The following ITGB4 variants were observed in gnomAD, a reference collection of about 807,000 sequenced individuals.
The protein encoded by ITGB4 is integrin beta-4.
ITGB4 carries 159 observed loss-of-function variants against 207.6 expected under a neutral mutation model. The observed-to-expected ratio is 0.77, with a 90% CI of 0.67 to 0.87. ITGB4 has a LOEUF of 0.87. ITGB4 is among the 40% of genes least tolerant of loss of function. ITGB4 has a pLI of 0.00. For missense variants in ITGB4, 2,278 were observed against 2,546.8 expected, an observed-to-expected ratio of 0.89 and a Z score of 2.27; for synonymous variants, 1,020 against 1,062.7, an observed-to-expected ratio of 0.96 and a Z score of 0.78.
At position 75,750,153 on chromosome 17, in the gene ITGB4, A is replaced by G. The variant is rs200945563; in HGVS notation, c.3359A>G (p.Gln1120Arg). The G allele has an allele frequency of 2.5e-6, 4 of 1,613,814 alleles. No homozygotes were observed. The South Asian group carries it at 3.3e-5, about 13-fold the overall frequency. The change falls in exon 28 of 40, where the codon CAG becomes CGG. Residue 1120 changes from glutamine to arginine, a missense_variant. Gln to Arg is a conservative substitution (Grantham distance 43). Transcript: ENST00000200181. The surrounding 1 kb of genome is among the most constrained non-coding windows in gnomAD (Gnocchi z 5.5). ...RSFTSQMLSS[Q>R]PPPHGDLGAP... ...TTCACGAGTCAGATGTTGTCATCAC[A>G]GCCACCCCCTCACGGCGACCTGGGC...
At position 75,740,445 on chromosome 17, in the gene ITGB4, A is replaced by G. The variant is rs1181830880; in HGVS notation, c.2534A>G (p.Gln845Arg). 2.5e-6 allele frequency: 4 copies of G among 1,613,102 alleles called. No homozygotes were observed. Among genetic ancestry groups the G allele is most frequent in the Non-Finnish European group, 3.4e-6 (4 of 1,179,616 alleles). Reference sequence around the variant, plus strand: ...ACTCGGGAGTGCGCCCAGCTGCGCCAGGAGGTGGAGGAGAACGTAAGGACC... The same window carrying G: ...ACTCGGGAGTGCGCCCAGCTGCGCCGGGAGGTGGAGGAGAACGTAAGGACC... The part of the protein sequence containing the change: ...PDTRECAQLR[Q>R]EVEENLNEVY... The change falls in exon 21 of 40, where the codon CAG becomes CGG. Residue 845 changes from glutamine to arginine, a missense_variant. By Grantham distance (43) the Gln-to-Arg change is conservative (BLOSUM62 1). Transcript: ENST00000200181. The surrounding 1 kb of genome is among the most constrained non-coding windows in gnomAD (Gnocchi z 5.9).
At position 75,748,860 on chromosome 17, in the gene ITGB4, G is replaced by A. The variant is rs769731535; in HGVS notation, c.3131G>A (p.Gly1044Asp). 3.1e-6 allele frequency: 5 copies of A among 1,611,424 alleles called. No individual in the cohort carries two copies. In the African/African-American group the frequency reaches 6.7e-5, roughly 22 times the overall value. The change falls in exon 27 of 40, where the codon GGT (glycine) becomes GAT (aspartate). Residue 1044 changes from glycine to aspartate, a missense_variant. Transcript: ENST00000200181. Reference sequence around the variant, plus strand: ...TCCCAGGACTACATCCCCGTGGAGGGTGAGCTGCTGTTCCAGCCTGGGGAG... The same window carrying A: ...TCCCAGGACTACATCCCCGTGGAGGATGAGCTGCTGTTCCAGCCTGGGGAG... ...QGNRDYIPVE[G>D]ELLFQPGEAW...
chr17:75,723,073 A>G (rs1447516245), intron 1 of ITGB4, among the ~76,000 whole-genome samples: 3 of 152,170 alleles, frequency 2.0e-5, no homozygotes, highest in Non-Finnish European at 2.9e-5. Context: ...TGCCTCGCCA[A>G]CCCTCTAACT....
chr17:75,729,519 C>G lies in ITGB4; in HGVS notation c.738+83C>G, dbSNP rs2060805352. ...GGCCTGAGCTGCCCCCTGGCCTGCTCTGGTGCCAGGCTCACAGGCCCTGAG... is the reference window on the plus strand; with the variant it reads ...GGCCTGAGCTGCCCCCTGGCCTGCTGTGGTGCCAGGCTCACAGGCCCTGAG... On this transcript the variant is annotated intron_variant, in intron 7 of 39. Coordinates refer to ENST00000200181, the MANE Select transcript of ITGB4 (RefSeq NM_000213.5). This position sits in a 1 kb window ranked among gnomAD's most constrained non-coding sequence, Gnocchi z 4.4. 7.0e-7 allele frequency: 1 copy of G among 1,438,266 alleles called. No individual in the cohort carries two copies. The highest frequency in any genetic ancestry group is 2.4e-5 in the East Asian group (1 of 41,376). 89.1% of individuals were successfully genotyped at this position (1,438,266 alleles called of 1,614,324 possible).
intron 15 of ITGB4, 54 bp downstream of exon 15, chr17:75,736,440 G>A: frequency 6.2e-7 from 1 of 1,609,542 alleles, no homozygotes; most frequent in Admixed American, 1.7e-5. Flanking sequence ...GCACAGGGCA[G>A]TGTGGGCAGG....
Position 75,757,629 on chromosome 17 carries a change from CT to C in ITGB4, c.*75del. On this transcript the variant is annotated 3_prime_UTR_variant, in exon 40 of 40. Transcript: ENST00000200181. The stretch of plus-strand genomic sequence containing the variant: ...TCCTCTCCCGGAGCCTCCTCAGCTA[CT>C]CCATCCTTGCACCCCTGGGGGCCCA... The C allele has an allele frequency of 6.3e-7, 1 of 1,597,848 alleles. No individual in the cohort carries two copies. Among genetic ancestry groups the C allele is most frequent in the South Asian group, 1.1e-5 (1 of 90,760 alleles).
rs1368080060 is a variant in ITGB4 at position 75,731,310 on chromosome 17, C to T, written c.1157C>T (p.Thr386Ile). Residue 386 changes from threonine (T) to isoleucine (I), a missense_variant, in exon 10 of 40, where the codon ACC (threonine) becomes ATC (isoleucine). Coordinates refer to ENST00000200181, the MANE Select transcript of ITGB4 (RefSeq NM_000213.5). The surrounding 1 kb of genome is among the most constrained non-coding windows in gnomAD (Gnocchi z 6.8). ...DSPRGLRTEV[T>I]SKMFQKTRTG... Reference sequence around the variant, plus strand: ...CCCCGAGGCCTTCGGACAGAGGTCACCTCCAAGATGTTCCAGAAGACGAGG... The same window carrying T: ...CCCCGAGGCCTTCGGACAGAGGTCATCTCCAAGATGTTCCAGAAGACGAGG... 9 of 1,613,436 alleles carry T rather than the reference C, an allele frequency of 5.6e-6. No individual in the cohort carries two copies. Among genetic ancestry groups the T allele is most frequent in the African/African-American group, 5.3e-5 (4 of 74,920 alleles).
intron 32 of ITGB4, 46 bp from the exon 33 acceptor site, chr17:75,753,719 C>A: frequency 7.7e-7 from 1 of 1,302,184 alleles, no homozygotes; most frequent in Non-Finnish European, 9.9e-7. Context: ...CCTGCTCGGC[C>A]CGGCGCCCCC....
chr17:75,730,830 A>C, intron 8 of ITGB4, 45 bp from the exon 9 acceptor site: 1 of 1,492,596 alleles, frequency 6.7e-7, no homozygotes, highest in Non-Finnish European at 9.3e-7. Context: ...AGCTGTTCAG[A>C]TTCATGGAGA....
At chr17:75,735,417 T>C (rs866601800) in intron 13 of ITGB4, among the ~76,000 whole-genome samples, 49 of 123,888 alleles carry the variant, frequency 4.0e-4, no homozygotes, top group Non-Finnish European at 5.4e-4. Flanking sequence ...CTTTTCTTTT[T>C]TTTTTTTTTT....
chr17:75,742,190 A>G lies in ITGB4; in HGVS notation c.2634-151A>G, dbSNP rs890229334. 1 of 993,114 alleles carries G rather than the reference A, an allele frequency of 1.0e-6. No individual in the cohort carries two copies. The highest frequency in any genetic ancestry group is 1.5e-6 in the Non-Finnish European group (1 of 653,502). The allele number at this position is 993,114 out of a possible 1,614,324, so 61.5% of individuals were successfully genotyped here. ...GCAGGGTAAAGGGTATGGGGCTGGC[A>G]TAGGCCTGGAGCACTGCCTGCCTCT... On this transcript the variant is annotated intron_variant, in intron 23 of 39. Transcript: ENST00000200181. The surrounding 1 kb of genome is among the most constrained non-coding windows in gnomAD (Gnocchi z 5.9).
At position 75,742,311 on chromosome 17, in the gene ITGB4, C is replaced by T. The variant is rs79815688; in HGVS notation, c.2634-30C>T. On this transcript the variant is annotated intron_variant, in intron 23 of 39. Coordinates refer to ENST00000200181, the MANE Select transcript of ITGB4 (RefSeq NM_000213.5). This position sits in a 1 kb window ranked among gnomAD's most constrained non-coding sequence, Gnocchi z 5.9. Reference sequence around the variant, plus strand: ...GCAGCAGGTGCCAGCCTGACCCCTCCGCTGCCTGAACCTTCCACCCTCGAC... The same window carrying T: ...GCAGCAGGTGCCAGCCTGACCCCTCTGCTGCCTGAACCTTCCACCCTCGAC... 1.4e-3 allele frequency: 2,276 copies of T among 1,612,976 alleles called. 3 individuals are homozygous for T. Among genetic ancestry groups the T allele is most frequent in the Non-Finnish European group, 1.8e-3 (2,103 of 1,179,938 alleles).
rs1179032756 is a variant in ITGB4, at chr17:75,736,318, T to C, written c.1792T>C (p.Cys598Arg). The C allele has an allele frequency of 3.1e-6, 5 of 1,613,676 alleles. No individual in the cohort carries two copies. The highest frequency in any genetic ancestry group is 4.2e-6 in the Non-Finnish European group (5 of 1,179,976). The change falls in exon 15 of 40, where the codon TGT becomes CGT. Residue 598 changes from cysteine to arginine, a missense_variant. Transcript: ENST00000200181. The stretch of plus-strand genomic sequence containing the variant: ...CTGTAATGGACGTGGCCACTGTGAG[T>C]GTGGCCGCTGCCACTGCCACCAGCA... ...GICNGRGHCECGRCHCHQQSL... is the reference protein window; with the variant it reads ...GICNGRGHCERGRCHCHQQSL...
rs73995995 is a variant in ITGB4 at position 75,743,040 on chromosome 17, A to G, written c.2962+279A>G. ...CCCCTTGCTCCTCTCTATCTAGAAAAAGGGTTGGCCAAGGCATCACACCGT... is the reference window on the plus strand; with the variant it reads ...CCCCTTGCTCCTCTCTATCTAGAAAGAGGGTTGGCCAAGGCATCACACCGT... On this transcript the variant is annotated intron_variant, in intron 25 of 39. Transcript: ENST00000200181. Among the ~76,000 whole-genome samples, 14,742 of 151,934 alleles carry G rather than the reference A, an allele frequency of 0.097. 796 individuals carry two copies. The highest frequency in any genetic ancestry group is 0.11 in the Non-Finnish European group (7,697 of 67,926).
In ITGB4 at chr17:75,736,175, G is replaced by C. The variant is rs759535924; in HGVS notation, c.1761+21G>C. The C allele has an allele frequency of 2.5e-6, 4 of 1,612,140 alleles. No homozygotes were observed. In the Admixed American group the frequency reaches 6.7e-5, roughly 27 times the overall value. Reference sequence around the variant, plus strand: ...ATGGGGTAGGCCTGGGCATAAGACAGACAGTGTCTGTCAGCACCACCCACC... The same window carrying C: ...ATGGGGTAGGCCTGGGCATAAGACACACAGTGTCTGTCAGCACCACCCACC... On this transcript the variant is annotated intron_variant, in intron 14 of 39. Transcript: ENST00000200181.
At chr17:75,751,464 G>A in intron 30 of ITGB4, 1 of 351,412 alleles carries the variant, frequency 2.8e-6, no homozygotes, top group East Asian at 6.6e-5. Context: ...AAATACAGGA[G>A]GTTCTGAATT....
chr17:75,750,482 G>A lies in ITGB4; in HGVS notation c.3475-198G>A, dbSNP rs573938243. ...CATTTGCCCTCCTTCCTAGAATGGG[G>A]CCCCCTCCCACCCCCGCATGGGAGA... On this transcript the variant is annotated intron_variant, in intron 28 of 39. Coordinates refer to ENST00000200181, the MANE Select transcript of ITGB4 (RefSeq NM_000213.5). This position sits in a 1 kb window ranked among gnomAD's most constrained non-coding sequence, Gnocchi z 5.5. 1.2e-4 allele frequency among the ~76,000 whole-genome samples: 19 copies of A among 152,230 alleles called. No homozygotes were observed. Among genetic ancestry groups the A allele is most frequent in the African/African-American group, 4.3e-4 (18 of 41,534 alleles).
In ITGB4 at chr17:75,736,606, G is replaced by C; in HGVS notation, c.1902G>C (p.Gln634His). 6.2e-7 allele frequency: 1 copy of C among 1,603,424 alleles called. No individual in the cohort carries two copies. The highest frequency in any genetic ancestry group is 8.5e-7 in the Non-Finnish European group (1 of 1,175,656). Residue 634 changes from glutamine (Q) to histidine (H), a missense_variant, in exon 16 of 40, where the codon CAG (glutamine) becomes CAC (histidine). By Grantham distance (24) the Gln-to-His change is conservative. Transcript: ENST00000200181. ...GCGAGGACCTACGCTCCTGCGTGCA[G>C]TGCCAGGCGTGGGGCACCGGCGAGA... ...GLCEDLRSCV[Q>H]CQAWGTGEKK... is the part of the protein sequence containing the mutation.
At chr17:75,730,732 C>T in intron 8 of ITGB4, 143 bp from the exon 9 acceptor site, 1 of 983,564 alleles carries the variant, frequency 1.0e-6, no homozygotes, top group Admixed American at 1.8e-5. Flanking sequence ...AACTCCCAAG[C>T]AGGTGGGGGC....
Sources: allele counts gnomAD v4.1 joint callset (sites outside exome capture counted in the v4.1 genomes callset), GRCh38; gene constraint gnomAD v4.1.1; non-coding constraint Gnocchi (gnomAD v3.1); transcripts MANE v1.5; gene names NCBI Gene and HGNC (gene_info 2026-07-23, HGNC 2026-07-21).